Variants in DSG1 observed in about 807,000 individuals in gnomAD.
The protein encoded by DSG1 is desmoglein 1, also known as desmoglein-1.
DSG1 carries 39 observed loss-of-function variants against 97.5 expected under a neutral mutation model. That is an observed-to-expected ratio of 0.40 (90% CI 0.31 to 0.52). DSG1 has a LOEUF of 0.52. Ranked by LOEUF, DSG1 falls within the 20% of genes least tolerant of loss-of-function variation. The pLI, the probability that DSG1 is intolerant of heterozygous loss-of-function variation, is 0.53. For missense variants in DSG1, 1,311 were observed against 1,295.4 expected (o/e 1.01, Z -0.18); for synonymous variants, 475 against 443.4 (o/e 1.07, Z -0.90).
Position 31,333,610 on chromosome 18 carries a change from G to T in DSG1, c.706G>T (p.Ala236Ser). The change falls in exon 7 of 15, where the codon GCT becomes TCT. Residue 236 changes from alanine to serine, a missense_variant. By Grantham distance (99) the Ala-to-Ser change is moderately conservative. Transcript: ENST00000257192. ...TTAGCAATACGGCCAGTATGCTCTTGCTGTAAGAGGCTCTGACCGAGATGG... is the reference window on the plus strand; with the variant it reads ...TTAGCAATACGGCCAGTATGCTCTTTCTGTAAGAGGCTCTGACCGAGATGG... ...DREQYGQYAL[A>S]VRGSDRDGGA... 1 of 1,613,850 alleles carries T rather than the reference G, an allele frequency of 6.2e-7. No individual in the cohort carries two copies. The highest frequency in any genetic ancestry group is 8.5e-7 in the Non-Finnish European group (1 of 1,179,816).
Position 31,328,358 on chromosome 18 carries a change from A to T in DSG1, c.372+14A>T. The T allele has an allele frequency of 6.2e-7, 1 of 1,607,348 alleles. No homozygotes were observed. The highest frequency in any genetic ancestry group is 8.5e-7 in the Non-Finnish European group (1 of 1,174,310). Reference sequence around the variant, plus strand: ...CCTTTCTTCATTGTAAGTGGACTTCATGTCAATATATATGTTCATGCTTAA... The same window carrying T: ...CCTTTCTTCATTGTAAGTGGACTTCTTGTCAATATATATGTTCATGCTTAA... On this transcript the variant is annotated intron_variant, in intron 4 of 14. Coordinates refer to ENST00000257192, the MANE Select transcript of DSG1 (RefSeq NM_001942.4).
intron 13 of DSG1, chr18:31,345,580 C>T: frequency 5.5e-6 from 1 of 181,142 alleles, no homozygotes; most frequent in South Asian, 1.1e-4. Context: ...CTCTGAAAGC[C>T]AGTGGTTCTC....
Position 31,326,621 on chromosome 18 carries a change from T to C in DSG1, c.84+5T>C. 6.2e-7 allele frequency: 1 copy of C among 1,601,242 alleles called. No homozygotes were observed. Among genetic ancestry groups the C allele is most frequent in the South Asian group, 1.1e-5 (1 of 90,240 alleles). On this transcript the variant is annotated splice_donor_5th_base_variant and intron_variant, in intron 2 of 14. Transcript: ENST00000257192. ...AACAGTGAATTCCGAATCCAGGTAATATATAACAAATCCATTTTTCCAAAT... is the reference window on the plus strand; with the variant it reads ...AACAGTGAATTCCGAATCCAGGTAACATATAACAAATCCATTTTTCCAAAT...
chr18:31,326,842 T>C (rs749022534), intron 2 of DSG1, 32 bp from the exon 3 acceptor site: 2 of 1,606,286 alleles, frequency 1.2e-6, no homozygotes, highest in Admixed American at 1.7e-5. Context: ...TTCAAATTAA[T>C]ATATACCATT....
chr18:31,346,345 T>C (rs1474019160), intron 14 of DSG1, 147 bp downstream of exon 14: 1 of 739,202 alleles, frequency 1.4e-6, no homozygotes, highest in Non-Finnish European at 2.4e-6. Flanking sequence ...TCCATGCTGT[T>C]AATGAATTAT....
intron 11 of DSG1, among the ~76,000 whole-genome samples, chr18:31,341,271 G>T (rs774922671): frequency 6.6e-6 from 1 of 152,188 alleles, no homozygotes; most frequent in Non-Finnish European, 1.5e-5. Flanking sequence ...AAATCTTAAT[G>T]TCAGAAGGTA....
intron 12 of DSG1, 151 bp downstream of exon 12, chr18:31,343,734 C>T (rs192971830): frequency 6.3e-6 from 8 of 1,269,556 alleles, no homozygotes; most frequent in South Asian, 1.3e-5. Context: ...AGAAACACAA[C>T]AAAATTAGAT....
intron 14 of DSG1, among the ~76,000 whole-genome samples, chr18:31,349,369 C>T (rs1184678228): frequency 4.0e-5 from 6 of 149,368 alleles, no homozygotes; most frequent in African/African-American, 1.3e-4. Context: ...GTTACTGTAG[C>T]CTTATAGTAT....
intron 14 of DSG1, among the ~76,000 whole-genome samples, chr18:31,346,456 C>T (rs768267558): frequency 8.5e-5 from 13 of 152,228 alleles, no homozygotes; most frequent in Non-Finnish European, 1.6e-4. Context: ...AAGTCCTTAA[C>T]ATGTTAACTA....
rs1351634157 is a variant in DSG1, at chr18:31,358,295, G to A, written c.*2949G>A. On this transcript the variant is annotated 3_prime_UTR_variant, in exon 15 of 15. Transcript: ENST00000257192. Reference sequence around the variant, plus strand: ...CAAAATACCATCTCAAGCTAATTTTGACACTGAATTACAGATATATCTGCT... The same window carrying A: ...CAAAATACCATCTCAAGCTAATTTTAACACTGAATTACAGATATATCTGCT... Among the ~76,000 whole-genome samples, 1 of 151,774 alleles carries A rather than the reference G, an allele frequency of 6.6e-6. No individual in the cohort carries two copies. The highest frequency in any genetic ancestry group is 1.9e-4 in the East Asian group (1 of 5,186).
In DSG1 at chr18:31,328,229, G is replaced by T. The variant is rs770916767; in HGVS notation, c.257G>T (p.Arg86Leu). 6.2e-7 allele frequency: 1 copy of T among 1,613,502 alleles called. No homozygotes were observed. The highest frequency in any genetic ancestry group is 8.5e-7 in the Non-Finnish European group (1 of 1,179,574). Reference sequence around the variant, plus strand: ...GCTGCAAACCAGCAAGTTACATACCGCATCTCTGGAGTAGGAATTGATCAG... The same window carrying T: ...GCTGCAAACCAGCAAGTTACATACCTCATCTCTGGAGTAGGAATTGATCAG... ...DCAANQQVTYRISGVGIDQPP... is the reference protein window; with the variant it reads ...DCAANQQVTYLISGVGIDQPP... The change falls in exon 4 of 15, where the codon CGC becomes CTC. Residue 86 changes from arginine to leucine, a missense_variant. Around this residue, in one of 3 missense-constraint regions of DSG1, gnomAD observed 259 missense variants for 304.1 expected, o/e 0.85. Coordinates refer to ENST00000257192, the MANE Select transcript of DSG1 (RefSeq NM_001942.4).
In DSG1 at chr18:31,353,832, C is replaced by T. The variant is rs182526571; in HGVS notation, c.2101-465C>T. 8.2e-3 allele frequency: 1,620 copies of T among 197,078 alleles called. 13 individuals are homozygous for T. The highest frequency in any genetic ancestry group is 0.013 in the Non-Finnish European group (1,298 of 96,406). 12.2% of individuals were successfully genotyped at this position (197,078 alleles called of 1,614,324 possible). A position where few individuals can be genotyped will look rare whatever the true frequency, so the allele number is the denominator to read the frequency against. On this transcript the variant is annotated intron_variant, in intron 14 of 14. Transcript: ENST00000257192. ...CAATGCCTCGCCCTGCTTCGGCTCG[C>T]GCACAGTGGACGCACCCACTGACCT...
chr18:31,336,723 A>G, intron 9 of DSG1, 110 bp downstream of exon 9: 1 of 1,173,206 alleles, frequency 8.5e-7, no homozygotes, highest in Non-Finnish European at 1.2e-6. Flanking sequence ...TATTTTTGAA[A>G]CTATCATTTA....
At chr18:31,335,417 A>T (rs1487136717) in intron 8 of DSG1, among the ~76,000 whole-genome samples, 1 of 152,176 alleles carries the variant, frequency 6.6e-6, no homozygotes, top group Non-Finnish European at 1.5e-5. Flanking sequence ...TTAGAAAATT[A>T]TTCAACCTAT....
At position 31,326,951 on chromosome 18, in the gene DSG1, C is replaced by T. The variant is rs778383508; in HGVS notation, c.162C>T (p.Phe54=). 9.9e-6 allele frequency: 16 copies of T among 1,613,796 alleles called. 1 individual carries two copies. Among genetic ancestry groups the T allele is most frequent in the Middle Eastern group, 1.6e-4 (1 of 6,084 alleles). Reference sequence around the variant, plus strand: ...GGCAGAAACGTGAATGGATCAAGTTCGCAGCAGCCTGTCGTGAAGGTGAAG... The same window carrying T: ...GGCAGAAACGTGAATGGATCAAGTTTGCAGCAGCCTGTCGTGAAGGTGAAG... ...IRRQKREWIK[F]AAACREGEDN... Residue 54 remains phenylalanine, a synonymous_variant, in exon 3 of 15, where the codon TTC becomes TTT. Coordinates refer to ENST00000257192, the MANE Select transcript of DSG1 (RefSeq NM_001942.4).
Position 31,334,023 on chromosome 18 carries a change from A to G in DSG1, c.826A>G (p.Ile276Val), listed in dbSNP as rs775677745. 6 of 1,601,868 alleles carry G rather than the reference A, an allele frequency of 3.7e-6. No individual in the cohort carries two copies. In the African/African-American group the frequency reaches 5.4e-5, roughly 14 times the overall value. ...TTTTCACTTCTTGTTTCAGTATACC[A>G]TAGAAATTCAAGAAAATACTCTAAA... ...IPYMEQSSYT[I>V]EIQENTLNSN... The change falls in exon 8 of 15, where the codon ATA (isoleucine) becomes GTA (valine). Residue 276 changes from isoleucine (I) to valine (V), a missense_variant. Coordinates refer to ENST00000257192, the MANE Select transcript of DSG1 (RefSeq NM_001942.4).
At chr18:31,328,093 G>A in intron 3 of DSG1, 96 bp from the exon 4 acceptor site, 1 of 1,293,856 alleles carries the variant, frequency 7.7e-7, no homozygotes, top group Non-Finnish European at 1.1e-6. Flanking sequence ...AAATAACAAG[G>A]TCATCACATG....
In DSG1 at chr18:31,339,721, T is replaced by C. The variant is rs1269623392; in HGVS notation, c.1406-23T>C. The C allele has an allele frequency of 3.2e-6, 5 of 1,568,268 alleles. No homozygotes were observed. The African/African-American group carries it at 5.4e-5, about 17-fold the overall frequency. ...CTACACTAAATGTCTAAAATATTTC[T>C]TCCATTTTGAACGTTATTACAGATA... On this transcript the variant is annotated intron_variant, in intron 10 of 14. Transcript: ENST00000257192.
rs747673709 is a variant in DSG1 at position 31,326,952 on chromosome 18, G to A, written c.163G>A (p.Ala55Thr). ...RRQKREWIKF[A>T]AACREGEDNS... Reference sequence around the variant, plus strand: ...GCAGAAACGTGAATGGATCAAGTTCGCAGCAGCCTGTCGTGAAGGTGAAGA... The same window carrying A: ...GCAGAAACGTGAATGGATCAAGTTCACAGCAGCCTGTCGTGAAGGTGAAGA... The change falls in exon 3 of 15, where the codon GCA becomes ACA. Residue 55 changes from alanine (A) to threonine (T), a missense_variant. Physicochemically the swap from Ala to Thr is moderately conservative, Grantham distance 58. This residue lies in a region of DSG1 where 259 missense variants were observed against 304.1 expected (regional missense o/e 0.85). Coordinates refer to ENST00000257192, the MANE Select transcript of DSG1 (RefSeq NM_001942.4). 6.8e-6 allele frequency: 11 copies of A among 1,613,896 alleles called. No homozygotes were observed. Among genetic ancestry groups the A allele is most frequent in the Non-Finnish European group, 8.5e-6 (10 of 1,179,888 alleles).
Sources: gnomAD v4.1 joint callset for allele counts (sites outside exome capture counted in the v4.1 genomes callset) on GRCh38, gnomAD v4.1.1 for gene constraint, gnomAD v4.1.1 regional missense constraint, MANE v1.5 for transcripts, NCBI Gene and HGNC (gene_info 2026-07-23, HGNC 2026-07-21) for gene names.